Variants in PNKD observed in about 807,000 individuals in gnomAD.
PNKD encodes the protein probable thioesterase PNKD.
Under a neutral mutation model 45.3 loss-of-function variants are expected in PNKD, and 36 were observed. The observed-to-expected ratio is 0.80, with a 90% CI of 0.61 to 1.05. PNKD has a LOEUF of 1.05. PNKD is among the 50% of genes least tolerant of loss of function. The pLI is 0.00. For synonymous variants in PNKD, 197 were observed against 210.1 expected (o/e 0.94, Z 0.54); for missense variants, 511 against 506.6 (o/e 1.01, Z -0.08).
At chr2:218,277,045 C>A (rs774267497) in intron 2 of PNKD, 2 of 1,614,172 alleles carry the variant, frequency 1.2e-6, no homozygotes, top group Non-Finnish European at 1.7e-6. Flanking sequence ...ATCCCAGTCA[C>A]CAGGAGCACA....
chr2:218,291,399 T>A (rs1692917066), intron 2 of PNKD, among the ~76,000 whole-genome samples: 1 of 152,198 alleles, frequency 6.6e-6, no homozygotes. Context: ...CTGCCACCAC[T>A]GGCCAGCCCA....
intron 7 of PNKD, among the ~76,000 whole-genome samples, chr2:218,342,706 G>GA (rs1243277915): frequency 8.0e-5 from 12 of 150,726 alleles, no homozygotes; most frequent in South Asian, 2.1e-4. Flanking sequence ...TCACAAAACA[G>GA]AAAAAAAAAT....
At chr2:218,320,922 T>C (rs1693969508) in intron 2 of PNKD, among the ~76,000 whole-genome samples, 1 of 152,148 alleles carries the variant, frequency 6.6e-6, no homozygotes, top group South Asian at 2.1e-4. Flanking sequence ...ACATTAGAAG[T>C]CTTCCAGAAC....
chr2:218,300,315 A>G (rs906602339), intron 2 of PNKD, among the ~76,000 whole-genome samples: 1 of 152,010 alleles, frequency 6.6e-6, no homozygotes, highest in African/African-American at 2.4e-5. Context: ...CACACTTTCT[A>G]CAGTCCCTTC....
At chr2:218,276,427 G>T (rs1200463405) in intron 2 of PNKD, among the ~76,000 whole-genome samples, 1 of 152,166 alleles carries the variant, frequency 6.6e-6, no homozygotes, top group Non-Finnish European at 1.5e-5. Flanking sequence ...CCTGGGAGGG[G>T]TAGACTAAGG....
intron 2 of PNKD, among the ~76,000 whole-genome samples, chr2:218,272,330 C>A (rs1206644812): frequency 6.6e-6 from 1 of 152,236 alleles, no homozygotes; most frequent in Non-Finnish European, 1.5e-5. Context: ...CCCAGCCACA[C>A]TGGGCCTTTT....
intron 2 of PNKD, among the ~76,000 whole-genome samples, chr2:218,276,617 T>C (rs1237924578): frequency 6.7e-6 from 1 of 149,322 alleles, no homozygotes; most frequent in East Asian, 2.0e-4. Context: ...CTGAACAGAA[T>C]AAAGGAAATA....
intron 2 of PNKD, among the ~76,000 whole-genome samples, chr2:218,309,866 C>A (rs1038149645): frequency 6.6e-6 from 1 of 150,824 alleles, no homozygotes; most frequent in East Asian, 1.9e-4. Flanking sequence ...ACCTGGGAGG[C>A]GGAGGCTGCG....
At position 218,298,651 on chromosome 2, in the gene PNKD, C is replaced by A. The variant is rs560955566; in HGVS notation, c.236+27102C>A. Among the ~76,000 whole-genome samples, 75 of 152,232 alleles carry A rather than the reference C, an allele frequency of 4.9e-4. 2 individuals carry two copies. Among genetic ancestry groups the A allele is most frequent in the Non-Finnish European group, 7.4e-5 (5 of 68,008 alleles). ...CAACCTCCTTTCACACTAAGCAGGG[C>A]CTGGAGGGATGAACTTGCCCGAGCT... is the stretch of plus-strand genomic sequence containing the variant. On this transcript the variant is annotated intron_variant, in intron 2 of 9. Coordinates refer to ENST00000273077, the MANE Select transcript of PNKD (RefSeq NM_015488.5).
chr2:218,295,264 C>T (rs543973960), intron 2 of PNKD, among the ~76,000 whole-genome samples: 2 of 152,348 alleles, frequency 1.3e-5, no homozygotes, highest in South Asian at 2.1e-4. Context: ...TGTCTGCCAA[C>T]CAGACAGGAA....
intron 2 of PNKD, among the ~76,000 whole-genome samples, chr2:218,318,858 G>T (rs141971796): frequency 3.8e-4 from 57 of 151,750 alleles, no homozygotes; most frequent in African/African-American, 1.4e-3. Context: ...GAGGTGGTGA[G>T]CAAAGGCCTC....
rs1694799226 is a variant in PNKD at position 218,345,191 on chromosome 2, G to A, written c.*210G>A. 5 of 583,710 alleles carry A rather than the reference G, an allele frequency of 8.6e-6. No individual in the cohort carries two copies. Among genetic ancestry groups the A allele is most frequent in the Non-Finnish European group, 9.1e-6 (3 of 329,142 alleles). 36.2% of individuals were successfully genotyped at this position (583,710 alleles called of 1,614,324 possible). A position where few individuals can be genotyped will look rare whatever the true frequency, so the allele number is the denominator to read the frequency against. On this transcript the variant is annotated 3_prime_UTR_variant, in exon 10 of 10. Coordinates refer to ENST00000273077, the MANE Select transcript of PNKD (RefSeq NM_015488.5). ...CCTGTTGGAGGCTGGGAACCCCGCA[G>A]CGCGAGGCTGCCTCATCAACGGCAA...
intron 2 of PNKD, chr2:218,279,971 C>A: frequency 7.3e-7 from 1 of 1,374,192 alleles, no homozygotes; most frequent in South Asian, 1.2e-5. Flanking sequence ...ACCCACTTCC[C>A]ATTCCCACAG....
intron 2 of PNKD, among the ~76,000 whole-genome samples, chr2:218,318,950 C>CTT (rs769001811): frequency 0.24 from 23,745 of 97,936 alleles, 3,422 homozygotes; most frequent in Non-Finnish European, 0.29. Flanking sequence ...TTTTTTTTTT[C>CTT]TTTTTTTTTT....
At chr2:218,316,612 G>A (rs1029712575) in intron 2 of PNKD, 5 of 152,196 alleles carry the variant, frequency 3.3e-5, no homozygotes, top group African/African-American at 9.7e-5. Context: ...TTTGCTCTTA[G>A]GCTGAGGAAA....
At chr2:218,310,576 G>A (rs1693580165) in intron 2 of PNKD, among the ~76,000 whole-genome samples, 1 of 140,432 alleles carries the variant, frequency 7.1e-6, no homozygotes. Context: ...GGTCCCATGA[G>A]ATTATTGCTT....
chr2:218,342,350 G>A (rs1223655254), intron 7 of PNKD, among the ~76,000 whole-genome samples: 4 of 152,202 alleles, frequency 2.6e-5, no homozygotes, highest in African/African-American at 9.7e-5. Context: ...AGGATCACTT[G>A]AGGCTAGGAG....
chr2:218,300,346 G>T (rs145972367), intron 2 of PNKD, among the ~76,000 whole-genome samples: 47 of 152,170 alleles, frequency 3.1e-4, no homozygotes, highest in African/African-American at 1.1e-3. Flanking sequence ...CACCTCCTCT[G>T]CAGCCTCACT....
chr2:218,320,137 G>A (rs1202145295), intron 2 of PNKD, among the ~76,000 whole-genome samples: 6 of 152,204 alleles, frequency 3.9e-5, no homozygotes, highest in Admixed American at 1.3e-4. Context: ...TTCAAAGAAC[G>A]TTTGTGAGTA....
Sources: allele counts gnomAD v4.1 joint callset (sites outside exome capture counted in the v4.1 genomes callset), GRCh38; gene constraint gnomAD v4.1.1; transcripts MANE v1.5; gene names NCBI Gene and HGNC (gene_info 2026-07-23, HGNC 2026-07-21).